Variants in TSNARE1 observed in about 807,000 individuals in gnomAD.
TSNARE1 encodes the protein t-SNARE domain containing 1.
In TSNARE1, 49 loss-of-function variants were observed where a neutral mutation model predicts 62.0. The observed-to-expected ratio is 0.79, with a 90% CI of 0.63 to 1.00. The LOEUF (loss-of-function observed/expected upper bound fraction) is 1.00. Among genes scored for constraint, TSNARE1 ranks in the 50% least tolerant of loss-of-function variants. The pLI, the probability that TSNARE1 is intolerant of heterozygous loss-of-function variation, is 0.00. For missense variants in TSNARE1, 755 were observed against 700.1 expected (o/e 1.08, Z -0.88); for synonymous variants, 328 against 294.4 (o/e 1.11, Z -1.17).
chr8:142,270,580 G>A lies in TSNARE1; in HGVS notation c.1446+4201C>T, dbSNP rs149141455. ...TGTGGTTCCCCTGGGCCAGAACCAC[G>A]TAGGGCAGAGGAGCCCTGCCCTCCA... is the stretch of plus-strand genomic sequence containing the variant. On this transcript the variant is annotated intron_variant, in intron 12 of 13. Transcript: ENST00000524325. 128 of 985,054 alleles carry A rather than the reference G, an allele frequency of 1.3e-4. No individual in the cohort carries two copies. In the East Asian group the frequency reaches 1.9e-3, roughly 15 times the overall value. The allele number at this position is 985,054 out of a possible 1,614,324, so 61.0% of individuals were successfully genotyped here. A position where few individuals can be genotyped will look rare whatever the true frequency, so the allele number is the denominator to read the frequency against.
At chr8:142,245,968 A>G (rs2130234910) in intron 12 of TSNARE1, among the ~76,000 whole-genome samples, 2 of 152,366 alleles carry the variant, frequency 1.3e-5, no homozygotes, top group South Asian at 4.1e-4. Flanking sequence ...TAACCCTTAC[A>G]GGTAACCTTC....
chr8:142,232,042 G>A (rs1221694705), intron 12 of TSNARE1, among the ~76,000 whole-genome samples: 3 of 152,254 alleles, frequency 2.0e-5, no homozygotes, highest in Non-Finnish European at 4.4e-5. Flanking sequence ...CAGGAGCTGA[G>A]GTCAGGCAGT....
At chr8:142,401,338 G>A (rs955503527) in intron 1 of TSNARE1, among the ~76,000 whole-genome samples, 1 of 152,098 alleles carries the variant, frequency 6.6e-6, no homozygotes, top group Non-Finnish European at 1.5e-5. Context: ...AGACAAACAC[G>A]GGAGTGCCAG....
chr8:142,255,931 A>ACCACCACCACTG lies in TSNARE1; in HGVS notation c.1446+18849_1446+18850insCAGTGGTGGTGG, dbSNP rs1818481906. Among the ~76,000 whole-genome samples, 3 of 63,824 alleles carry ACCACCACCACTG rather than the reference A, an allele frequency of 4.7e-5. 1 individual carries two copies. The allele number at this position is 63,824 out of a possible 152,430, so 41.9% of individuals were successfully genotyped here. ...CATCACCACCACCATCACCATCACC[A>ACCACCACCACTG]TCACCATCACCACCATCATCACCAT... On this transcript the variant is annotated intron_variant, in intron 12 of 13. Transcript: ENST00000524325.
intron 11 of TSNARE1, 47 bp from the exon 12 acceptor site, chr8:142,274,910 G>T: frequency 2.7e-6 from 4 of 1,457,402 alleles, no homozygotes; most frequent in Non-Finnish European, 3.6e-6. Context: ...AGGCCCAGCC[G>T]CCCCCGCCCT....
chr8:142,304,849 C>T (rs1376187322), intron 9 of TSNARE1, among the ~76,000 whole-genome samples: 1 of 152,240 alleles, frequency 6.6e-6, no homozygotes, highest in Admixed American at 6.5e-5. Context: ...CATGGCCATA[C>T]ACGCCCCTGG....
intron 1 of TSNARE1, among the ~76,000 whole-genome samples, chr8:142,357,404 G>T (rs1337908224): frequency 6.6e-6 from 1 of 152,200 alleles, no homozygotes; most frequent in African/African-American, 2.4e-5. Context: ...CTCAAATGAT[G>T]GTGGGGCGCT....
At chr8:142,266,805 C>T (rs928809755) in intron 12 of TSNARE1, among the ~76,000 whole-genome samples, 11 of 152,310 alleles carry the variant, frequency 7.2e-5, no homozygotes, top group African/African-American at 2.6e-4. Flanking sequence ...TTCCGGGACT[C>T]CAAGACGACA....
intron 9 of TSNARE1, among the ~76,000 whole-genome samples, chr8:142,303,007 A>G (rs1290989438): frequency 6.6e-6 from 1 of 152,110 alleles, no homozygotes; most frequent in African/African-American, 2.4e-5. Flanking sequence ...ACTCACGTCC[A>G]GAGCTCTTGC....
intron 9 of TSNARE1, among the ~76,000 whole-genome samples, 157 bp from the exon 10 acceptor site, chr8:142,300,801 C>T (rs1439090047): frequency 1.3e-5 from 2 of 152,206 alleles, no homozygotes; most frequent in South Asian, 2.1e-4. Context: ...TCTGCGGCCA[C>T]GAGCCTGTCA....
intron 1 of TSNARE1, among the ~76,000 whole-genome samples, chr8:142,382,325 G>A (rs560448186): frequency 1.3e-5 from 2 of 152,298 alleles, no homozygotes; most frequent in East Asian, 3.9e-4. Flanking sequence ...AGCACCGATC[G>A]CTAACGGCAC....
At chr8:142,332,291 A>G (rs1284949722) in intron 4 of TSNARE1, among the ~76,000 whole-genome samples, 1 of 152,220 alleles carries the variant, frequency 6.6e-6, no homozygotes, top group African/African-American at 2.4e-5. Flanking sequence ...CCCTGAGCAC[A>G]GCACGCACAG....
At chr8:142,282,332 G>A (rs574923800) in intron 11 of TSNARE1, among the ~76,000 whole-genome samples, 3 of 152,368 alleles carry the variant, frequency 2.0e-5, no homozygotes, top group African/African-American at 7.2e-5. Flanking sequence ...CTGGGCAGAG[G>A]CCCAGGATGA....
In TSNARE1 at chr8:142,284,454, T is replaced by A; in HGVS notation, c.1322A>T (p.Lys441Met). Residue 441 changes from lysine (K) to methionine (M), a missense_variant, in exon 11 of 14, where the codon AAG becomes ATG. By Grantham distance (95) the Lys-to-Met change is moderately conservative (BLOSUM62 -1). Transcript: ENST00000524325. ...CTCTGACACCATGGAGGCCAAGTCC[T>A]TGATGATCTGATTCACATCCAGCAA... Reference protein sequence around the residue: ...SNLLDVNQIIKDLASMVSEQG... With the variant: ...SNLLDVNQIIMDLASMVSEQG... The A allele has an allele frequency of 6.2e-7, 1 of 1,613,810 alleles. No homozygotes were observed. Among genetic ancestry groups the A allele is most frequent in the Admixed American group, 1.7e-5 (1 of 60,020 alleles).
intron 9 of TSNARE1, among the ~76,000 whole-genome samples, chr8:142,304,860 A>G (rs1826400290): frequency 6.6e-6 from 1 of 152,192 alleles, no homozygotes; most frequent in African/African-American, 2.4e-5. Context: ...ACGCCCCTGG[A>G]GAGCGGCATG....
intron 9 of TSNARE1, among the ~76,000 whole-genome samples, chr8:142,305,267 G>C (rs1208633185): frequency 1.3e-5 from 2 of 150,334 alleles, no homozygotes; most frequent in Non-Finnish European, 3.0e-5. Flanking sequence ...ATGGAGACCT[G>C]CCTCGGATCT....
At chr8:142,402,163 G>C (rs1319331692) in intron 1 of TSNARE1, among the ~76,000 whole-genome samples, 1 of 152,192 alleles carries the variant, frequency 6.6e-6, no homozygotes, top group Admixed American at 6.5e-5. Flanking sequence ...GGAAAGAAAG[G>C]GCGCCAGGTG....
At chr8:142,262,117 G>A (rs1017629732) in intron 12 of TSNARE1, among the ~76,000 whole-genome samples, 11 of 152,214 alleles carry the variant, frequency 7.2e-5, no homozygotes, top group Admixed American at 2.0e-4. Flanking sequence ...GGCCTGCGGC[G>A]ACTCCGTGGT....
intron 1 of TSNARE1, among the ~76,000 whole-genome samples, chr8:142,367,007 A>C (rs2130964744): frequency 6.6e-6 from 1 of 152,246 alleles, no homozygotes; most frequent in South Asian, 2.1e-4. Flanking sequence ...GTAGGAAAAA[A>C]CCCATTTACA....
Sources: allele counts gnomAD v4.1 joint callset (sites outside exome capture counted in the v4.1 genomes callset), GRCh38; gene constraint gnomAD v4.1.1; transcripts MANE v1.5; gene names NCBI Gene and HGNC (gene_info 2026-07-23, HGNC 2026-07-21).